Variants in CFAP61 observed in about 807,000 individuals in gnomAD.
The protein encoded by CFAP61 is cilia and flagella associated protein 61.
In CFAP61, 107 loss-of-function variants were observed where a neutral mutation model predicts 135.6. That is an observed-to-expected ratio of 0.79 (90% confidence interval 0.67 to 0.93). The LOEUF is 0.93. CFAP61 is among the 40% of genes least tolerant of loss of function. The pLI is 0.00. For missense variants in CFAP61, 1,507 were observed against 1,556.2 expected, an observed-to-expected ratio of 0.97 and a Z score of 0.53; for synonymous variants, 575 against 578.5, an observed-to-expected ratio of 0.99 and a Z score of 0.09.
intron 8 of CFAP61, among the ~76,000 whole-genome samples, chr20:20,105,093 G>T (rs6046626): frequency 6.6e-6 from 1 of 152,070 alleles, no homozygotes; most frequent in African/African-American, 2.4e-5. Flanking sequence ...TCCCTAATAG[G>T]GGGGCGGTAT....
chr20:20,357,123 A>G, intron 26 of CFAP61, among the ~76,000 whole-genome samples: 1 of 99,832 alleles, frequency 1.0e-5, no homozygotes, highest in Non-Finnish European at 2.2e-5. Context: ...GTGAGTGAGG[A>G]GGTAGTCACA....
At chr20:20,109,844 T>G (rs538247714) in intron 8 of CFAP61, among the ~76,000 whole-genome samples, 1 of 152,310 alleles carries the variant, frequency 6.6e-6, no homozygotes, top group East Asian at 1.9e-4. Flanking sequence ...TGTGACCTCT[T>G]TCTCCTGATT....
At chr20:20,078,782 T>G (rs1222428489) in intron 6 of CFAP61, among the ~76,000 whole-genome samples, 3 of 152,064 alleles carry the variant, frequency 2.0e-5, no homozygotes, top group African/African-American at 7.2e-5. Context: ...TGAAATTATT[T>G]AAGTAAAAGA....
At chr20:20,076,579 A>G (rs2046065113) in intron 6 of CFAP61, among the ~76,000 whole-genome samples, 2 of 152,244 alleles carry the variant, frequency 1.3e-5, no homozygotes, top group South Asian at 4.1e-4. Flanking sequence ...CTGTTTGGAA[A>G]TAAGAGTGCA....
chr20:20,167,402 A>G (rs1230074809), intron 12 of CFAP61, among the ~76,000 whole-genome samples: 1 of 152,236 alleles, frequency 6.6e-6, no homozygotes, highest in Non-Finnish European at 1.5e-5. Flanking sequence ...GGTTTCCCTC[A>G]AAAACTCCTC....
At chr20:20,060,161 A>T (rs1031583422) in intron 2 of CFAP61, among the ~76,000 whole-genome samples, 1 of 152,224 alleles carries the variant, frequency 6.6e-6, no homozygotes, top group Admixed American at 6.5e-5. Context: ...GTCAGAAGAT[A>T]GTAGAATATC....
chr20:20,289,772 G>A (rs1816075568), intron 23 of CFAP61, among the ~76,000 whole-genome samples: 1 of 152,268 alleles, frequency 6.6e-6, no homozygotes, highest in African/African-American at 2.4e-5. Context: ...GCAGGCAAGA[G>A]AAGGGAGGGC....
chr20:20,354,426 C>G (rs1245257495), intron 26 of CFAP61, among the ~76,000 whole-genome samples: 1 of 151,478 alleles, frequency 6.6e-6, no homozygotes, highest in African/African-American at 2.4e-5. Flanking sequence ...TTGCTTGCAC[C>G]CAGGAGGCAG....
At chr20:20,174,859 A>C (rs1247117266) in intron 13 of CFAP61, among the ~76,000 whole-genome samples, 1 of 152,250 alleles carries the variant, frequency 6.6e-6, no homozygotes, top group Non-Finnish European at 1.5e-5. Context: ...ACCTTAAAGA[A>C]GACTCCATCA....
intron 21 of CFAP61, among the ~76,000 whole-genome samples, chr20:20,269,917 A>AG (rs891180339): frequency 1.3e-5 from 2 of 152,076 alleles, no homozygotes; most frequent in African/African-American, 4.8e-5. Flanking sequence ...CCTGACCTTG[A>AG]GCTCAAGATT....
chr20:20,320,412 AATAT>A (rs2057412706), intron 25 of CFAP61, among the ~76,000 whole-genome samples: 1 of 82,720 alleles, frequency 1.2e-5, no homozygotes, highest in Non-Finnish European at 2.1e-5. Context: ...TAATATATGT[AATAT>A]ATATTATATA....
chr20:20,056,882 C>G lies in CFAP61; in HGVS notation c.143+86C>G, dbSNP rs1212695688. 4 of 1,242,292 alleles carry G rather than the reference C, an allele frequency of 3.2e-6. No individual in the cohort carries two copies. The African/African-American group carries it at 6.0e-5, about 19-fold the overall frequency. 77.0% of individuals were successfully genotyped at this position (1,242,292 alleles called of 1,614,324 possible). On this transcript the variant is annotated intron_variant, in intron 2 of 26. Transcript: ENST00000245957. ...CCTGTAATCTCAGCACTTTGAGAGG[C>G]CAAGGCAGGCAGATCACCTGAGGCC... is the stretch of plus-strand genomic sequence containing the variant.
At chr20:20,300,601 T>G (rs954418634) in intron 25 of CFAP61, among the ~76,000 whole-genome samples, 7 of 152,050 alleles carry the variant, frequency 4.6e-5, no homozygotes, top group African/African-American at 1.4e-4. Context: ...TTCTTTTGTT[T>G]TTTTTGTTTT....
intron 25 of CFAP61, among the ~76,000 whole-genome samples, chr20:20,339,040 G>C (rs1420764634): frequency 5.3e-5 from 8 of 152,130 alleles, no homozygotes. Context: ...TCTTGAAGAG[G>C]TATAACTTTT....
chr20:20,166,256 T>C (rs1006681940), intron 11 of CFAP61, 141 bp from the exon 12 acceptor site: 2 of 657,034 alleles, frequency 3.0e-6, no homozygotes, highest in Non-Finnish European at 5.4e-6. Flanking sequence ...ATGCACCCCA[T>C]TAGTGTTCAC....
chr20:20,294,937 A>AATAATAATAAT (rs2055297457), intron 24 of CFAP61, among the ~76,000 whole-genome samples: 9 of 142,906 alleles, frequency 6.3e-5, no homozygotes, highest in Admixed American at 2.1e-4. Flanking sequence ...TCCGTCTCAA[A>AATAATAATAAT]AATAATAATA....
intron 8 of CFAP61, among the ~76,000 whole-genome samples, chr20:20,104,182 T>C (rs2048220107): frequency 6.6e-6 from 1 of 152,054 alleles, no homozygotes; most frequent in Non-Finnish European, 1.5e-5. Flanking sequence ...TCACTATACA[T>C]ATAAAAGACC....
At chr20:20,264,927 T>C (rs1208033117) in intron 21 of CFAP61, among the ~76,000 whole-genome samples, 1 of 152,182 alleles carries the variant, frequency 6.6e-6, no homozygotes, top group Non-Finnish European at 1.5e-5. Context: ...GCAGGCCATA[T>C]GGTCTCTGTT....
At chr20:20,324,618 G>T (rs1602022940) in intron 25 of CFAP61, among the ~76,000 whole-genome samples, 1 of 152,218 alleles carries the variant, frequency 6.6e-6, no homozygotes, top group East Asian at 1.9e-4. Flanking sequence ...GGATCAGTGG[G>T]TATATACATT....
Sources: gnomAD v4.1 joint callset for allele counts (sites outside exome capture counted in the v4.1 genomes callset) on GRCh38, gnomAD v4.1.1 for gene constraint, MANE v1.5 for transcripts, NCBI Gene and HGNC (gene_info 2026-07-23, HGNC 2026-07-21) for gene names.